DLG2: variants seen among roughly 807,000 people sequenced by gnomAD.
The protein encoded by DLG2 is disks large homolog 2.
DLG2 carries 45 observed loss-of-function variants against 132.5 expected under a neutral mutation model. That is an observed-to-expected ratio of 0.34 (90% CI 0.27 to 0.44). The LOEUF (loss-of-function observed/expected upper bound fraction) is 0.44. Among genes scored for constraint, DLG2 ranks in the 20% least tolerant of loss-of-function variants. The pLI is 1.00. For missense variants in DLG2, 1,045 were observed against 1,196.9 expected, an observed-to-expected ratio of 0.87 and a Z score of 1.87; for synonymous variants, 424 against 419.6, an observed-to-expected ratio of 1.01 and a Z score of -0.13.
At chr11:85,210,911 C>A (rs1304561335) in intron 4 of DLG2, among the ~76,000 whole-genome samples, 5 of 152,078 alleles carry the variant, frequency 3.3e-5, no homozygotes, top group Non-Finnish European at 7.4e-5. Context: ...GCTCTCCTGT[C>A]TAATCTTATT....
intron 5 of DLG2, among the ~76,000 whole-genome samples, chr11:85,135,663 G>A (rs1216986693): frequency 1.3e-5 from 2 of 152,146 alleles, no homozygotes; most frequent in African/African-American, 4.8e-5. Flanking sequence ...ACACATGTTT[G>A]TTGAGCACTC....
At chr11:85,250,024 T>C (rs1426530303) in intron 4 of DLG2, among the ~76,000 whole-genome samples, 1 of 152,114 alleles carries the variant, frequency 6.6e-6, no homozygotes, top group Non-Finnish European at 1.5e-5. Flanking sequence ...TGCTAACAAA[T>C]AAATTACAAT....
At chr11:84,280,454 T>C (rs1567166117) in intron 7 of DLG2, among the ~76,000 whole-genome samples, 1 of 151,804 alleles carries the variant, frequency 6.6e-6, no homozygotes, top group African/African-American at 2.4e-5. Context: ...TTTTTTGTAG[T>C]GACAGTGTTT....
At chr11:85,031,738 T>C (rs190664112) in intron 6 of DLG2, among the ~76,000 whole-genome samples, 185 of 152,262 alleles carry the variant, frequency 1.2e-3, no homozygotes, top group African/African-American at 4.3e-3. Context: ...TTGGAGTCTC[T>C]GTGTTAACTT....
chr11:84,796,659 C>CT (rs199966722), intron 6 of DLG2, among the ~76,000 whole-genome samples: 10,389 of 151,894 alleles, frequency 0.068, 466 homozygotes, highest in Middle Eastern at 0.12. Flanking sequence ...GATATTTTTG[C>CT]GGATAAACTA....
intron 6 of DLG2, among the ~76,000 whole-genome samples, chr11:84,731,246 C>T (rs980940691): frequency 6.6e-6 from 1 of 151,950 alleles, no homozygotes; most frequent in African/African-American, 2.4e-5. Context: ...ACTTTATCTC[C>T]CCCTTTTGGT....
At chr11:84,276,157 C>T (rs909353733) in intron 7 of DLG2, among the ~76,000 whole-genome samples, 2 of 152,166 alleles carry the variant, frequency 1.3e-5, no homozygotes, top group African/African-American at 4.8e-5. Flanking sequence ...ACAGATAATT[C>T]ATGTTCATAA....
chr11:83,918,421 A>C (rs2077279486), intron 15 of DLG2, among the ~76,000 whole-genome samples: 5 of 152,160 alleles, frequency 3.3e-5, no homozygotes. Flanking sequence ...TGCCATCCCC[A>C]TTCTTCCTGT....
chr11:85,195,576 T>G (rs961336442), intron 4 of DLG2, among the ~76,000 whole-genome samples: 1 of 144,028 alleles, frequency 6.9e-6, no homozygotes, highest in East Asian at 2.0e-4. Flanking sequence ...CAGGCGGGAG[T>G]GCAGTGGCGC....
At chr11:85,079,832 A>G (rs1404361799) in intron 6 of DLG2, among the ~76,000 whole-genome samples, 3 of 152,010 alleles carry the variant, frequency 2.0e-5, no homozygotes, top group Non-Finnish European at 2.9e-5. Flanking sequence ...GGGTTTCACC[A>G]TGTTAGCCAG....
chr11:85,084,205 T>C (rs950684802), intron 6 of DLG2, among the ~76,000 whole-genome samples: 2 of 152,080 alleles, frequency 1.3e-5, no homozygotes, highest in Admixed American at 6.5e-5. Flanking sequence ...TGATTATGGA[T>C]GAAAGAGAAG....
chr11:84,911,633 C>G (rs960940883), intron 6 of DLG2, among the ~76,000 whole-genome samples: 4 of 152,064 alleles, frequency 2.6e-5, no homozygotes, highest in African/African-American at 9.7e-5. Context: ...CATCCAAACA[C>G]CAATCTGTTA....
At chr11:85,548,310 T>G (rs189055712) in intron 3 of DLG2, among the ~76,000 whole-genome samples, 2 of 152,200 alleles carry the variant, frequency 1.3e-5, no homozygotes, top group Non-Finnish European at 2.9e-5. Flanking sequence ...TGGGTATCAC[T>G]GGTGGAGGTT....
chr11:85,273,803 C>G (rs996449800), intron 4 of DLG2, among the ~76,000 whole-genome samples: 1 of 152,156 alleles, frequency 6.6e-6, no homozygotes, highest in Admixed American at 6.5e-5. Flanking sequence ...TACACATGCA[C>G]AAGTATGCTT....
chr11:85,544,764 G>T (rs893036449), intron 3 of DLG2, among the ~76,000 whole-genome samples: 2 of 152,106 alleles, frequency 1.3e-5, no homozygotes, highest in Non-Finnish European at 2.9e-5. Flanking sequence ...AATGTGAATG[G>T]GAGTTCACTC....
chr11:85,420,480 T>C (rs1037658072), intron 3 of DLG2, among the ~76,000 whole-genome samples: 5 of 152,154 alleles, frequency 3.3e-5, no homozygotes, highest in Non-Finnish European at 7.4e-5. Context: ...TCCACTGCTA[T>C]CTTCAGAGCT....
At chr11:84,195,123 C>G (rs2096491284) in intron 8 of DLG2, among the ~76,000 whole-genome samples, 1 of 152,112 alleles carries the variant, frequency 6.6e-6, no homozygotes, top group African/African-American at 2.4e-5. Flanking sequence ...GGGCTGCTAG[C>G]ACACTGTCAC....
chr11:85,264,718 C>T (rs1344410483), intron 4 of DLG2, among the ~76,000 whole-genome samples: 1 of 152,170 alleles, frequency 6.6e-6, no homozygotes, highest in Non-Finnish European at 1.5e-5. Flanking sequence ...TCTTCTCAGA[C>T]TACAGGGTAC....
chr11:85,317,975 C>T (rs1178490942), intron 3 of DLG2, among the ~76,000 whole-genome samples: 3 of 151,704 alleles, frequency 2.0e-5, no homozygotes, highest in Admixed American at 2.0e-4. Flanking sequence ...TTCCACAATA[C>T]TCATAATCAG....
Sources: allele counts gnomAD v4.1 joint callset (sites outside exome capture counted in the v4.1 genomes callset), GRCh38; gene constraint gnomAD v4.1.1; transcripts MANE v1.5; gene names NCBI Gene and HGNC (gene_info 2026-07-23, HGNC 2026-07-21).